Variants in VCAN observed in about 807,000 individuals in gnomAD.
VCAN encodes the protein versican core protein.
A neutral mutation model predicts 245.5 loss-of-function variants in VCAN; 44 were observed. The ratio of observed to expected loss-of-function variants is 0.18; its 90% confidence interval spans 0.14 to 0.23. VCAN has a LOEUF of 0.23. VCAN is among the 10% of genes least tolerant of loss of function. The probability of loss-of-function intolerance (pLI) is 1.00; values close to 1 mark genes in which losing one functional copy is unlikely to be tolerated. For synonymous variants in VCAN, 1,413 were observed against 1,437.0 expected, an observed-to-expected ratio of 0.98 and a Z score of 0.38; for missense variants, 3,793 against 4,057.9, an observed-to-expected ratio of 0.93 and a Z score of 1.77.
intron 2 of VCAN, 77 bp downstream of exon 2, chr5:83,483,665 A>G (rs1289547576): frequency 4.6e-6 from 6 of 1,297,268 alleles, no homozygotes; most frequent in Non-Finnish European, 6.7e-6. Flanking sequence ...GCAATGTGGA[A>G]TCACTGGAAT....
chr5:83,529,025 C>CACACACAT (rs781395307), intron 7 of VCAN, among the ~76,000 whole-genome samples: 2 of 150,102 alleles, frequency 1.3e-5, no homozygotes, highest in East Asian at 3.9e-4. Flanking sequence ...CACACACACA[C>CACACACAT]ATATATGTAT....
intron 10 of VCAN, among the ~76,000 whole-genome samples, chr5:83,551,950 T>A (rs1747486584): frequency 6.6e-6 from 1 of 152,230 alleles, no homozygotes; most frequent in African/African-American, 2.4e-5. Context: ...AGTCCTTTCC[T>A]ATGAGACTTG....
In VCAN at chr5:83,542,160, A is replaced by T. The variant is rs1747032121; in HGVS notation, c.9157A>T (p.Thr3053Ser). Residue 3053 changes from threonine (T) to serine (S), a missense_variant, in exon 8 of 15, where the codon ACT (threonine) becomes TCT (serine). Physicochemically the swap from Thr to Ser is moderately conservative, Grantham distance 58. Around this residue, in one of 5 missense-constraint regions of VCAN, gnomAD observed 3,182 missense variants for 3,250.3 expected, o/e 0.98. Coordinates refer to ENST00000265077, the MANE Select transcript of VCAN (RefSeq NM_004385.5). ...QATVNPVEFN[T>S]EVATPPFSLL... ...AACAGTAAACCCTGTGGAATTTAAT[A>T]CTGAGGTTGCAACACCACCATTTTC... 1 of 1,614,106 alleles carries T rather than the reference A, an allele frequency of 6.2e-7. No individual in the cohort carries two copies. Among genetic ancestry groups the T allele is most frequent in the Admixed American group, 1.7e-5 (1 of 60,010 alleles).
In VCAN at chr5:83,540,041, G is replaced by A; in HGVS notation, c.7038G>A (p.Val2346=). Residue 2346 remains valine, a synonymous_variant, in exon 8 of 15, where the codon GTG becomes GTA. Transcript: ENST00000265077. ...ACACTGGAGCAGAAGGACCCACGGT[G>A]GCACCTCTCCCTTTCTCCACGGACA... ...LSDTGAEGPT[V]APLPFSTDIG... is the part of the protein sequence containing the mutation. 1 of 1,614,042 alleles carries A rather than the reference G, an allele frequency of 6.2e-7. No homozygotes were observed. The highest frequency in any genetic ancestry group is 2.2e-5 in the East Asian group (1 of 44,872).
intron 2 of VCAN, among the ~76,000 whole-genome samples, 196 bp from the exon 3 acceptor site, chr5:83,489,902 G>A (rs543965755): frequency 6.6e-6 from 1 of 151,770 alleles, no homozygotes; most frequent in East Asian, 1.9e-4. Flanking sequence ...ATAAAGAAAT[G>A]AGCATTATTA....
chr5:83,570,355 A>G (rs1748242605), intron 12 of VCAN, among the ~76,000 whole-genome samples: 1 of 152,106 alleles, frequency 6.6e-6, no homozygotes, highest in Non-Finnish European at 1.5e-5. Context: ...CATAGCAGTG[A>G]TCTCTTGTCT....
At chr5:83,514,428 ATGTGTGTG>A (rs57400723) in intron 6 of VCAN, among the ~76,000 whole-genome samples, 1 of 145,118 alleles carries the variant, frequency 6.9e-6, no homozygotes, top group African/African-American at 2.6e-5. Context: ...TTTAGTGTAT[ATGTGTGTG>A]TGTGTGTGTG....
At chr5:83,550,393 T>C (rs1378320815) in intron 10 of VCAN, among the ~76,000 whole-genome samples, 1 of 152,190 alleles carries the variant, frequency 6.6e-6, no homozygotes, top group Admixed American at 6.5e-5. Context: ...TGTCTTTCCA[T>C]GCATTGAATG....
chr5:83,512,937 GA>G (rs1745713247), intron 6 of VCAN: 1 of 153,590 alleles, frequency 6.5e-6, no homozygotes, highest in African/African-American at 2.4e-5. Flanking sequence ...TCAAGTAATG[GA>G]AATACATGCC....
In VCAN at chr5:83,557,682, G is replaced by A. The variant is rs114696627; in HGVS notation, c.9735+2644G>A. Among the ~76,000 whole-genome samples, 606 of 152,212 alleles carry A rather than the reference G, an allele frequency of 4.0e-3. 4 individuals are homozygous for A. The highest frequency in any genetic ancestry group is 0.01 in the Middle Eastern group (3 of 292). On this transcript the variant is annotated intron_variant, in intron 12 of 14. Transcript: ENST00000265077. The stretch of plus-strand genomic sequence containing the variant: ...GAAAGGTCCTAAACGTGGTAAATTA[G>A]TGAGCATCGCACCTTGTCAAAAAAG...
chr5:83,497,531 C>T (rs142724567), intron 5 of VCAN, among the ~76,000 whole-genome samples: 112 of 152,076 alleles, frequency 7.4e-4, no homozygotes, highest in Middle Eastern at 3.4e-3. Context: ...AATATCAGCT[C>T]GTGTTCTTAG....
In VCAN at chr5:83,520,569, A is replaced by C. The variant is rs1272287063; in HGVS notation, c.2263A>C (p.Lys755Gln). ...TTTTGATTTCCCAACATTGATAACA[A>C]AGTTAAGTGCAGAGCCAACAGAAGT... ...KSFDFPTLIT[K>Q]LSAEPTEVRD... Residue 755 changes from lysine to glutamine, a missense_variant, in exon 7 of 15, where the codon AAG becomes CAG. Around this residue, in one of 5 missense-constraint regions of VCAN, gnomAD observed 3,182 missense variants for 3,250.3 expected, o/e 0.98. Transcript: ENST00000265077. 6.2e-7 allele frequency: 1 copy of C among 1,614,036 alleles called. No individual in the cohort carries two copies. The highest frequency in any genetic ancestry group is 8.5e-7 in the Non-Finnish European group (1 of 1,179,980).
intron 1 of VCAN, among the ~76,000 whole-genome samples, chr5:83,475,003 T>G (rs1269990833): frequency 6.6e-6 from 1 of 152,224 alleles, no homozygotes; most frequent in Non-Finnish European, 1.5e-5. Context: ...ATTTGTTGAC[T>G]TTTTAAATAC....
At position 83,538,589 on chromosome 5, in the gene VCAN, C is replaced by T. The variant is rs1280546067; in HGVS notation, c.5586C>T (p.Ala1862=). 2.7e-5 allele frequency: 44 copies of T among 1,613,780 alleles called. No homozygotes were observed. Among genetic ancestry groups the T allele is most frequent in the East Asian group, 1.1e-4 (5 of 44,864 alleles). ...FSLNVEYAIQ[A]EKEVAGTLSP... Reference sequence around the variant, plus strand: ...TAAACGTAGAGTATGCAATTCAAGCCGAAAAGGAAGTAGCTGGCACTTTGT... The same window carrying T: ...TAAACGTAGAGTATGCAATTCAAGCTGAAAAGGAAGTAGCTGGCACTTTGT... Residue 1862 remains alanine (A), a synonymous_variant, in exon 8 of 15, where the codon GCC becomes GCT. Transcript: ENST00000265077.
At chr5:83,546,746 G>A (rs1011226893) in intron 9 of VCAN, among the ~76,000 whole-genome samples, 5 of 152,102 alleles carry the variant, frequency 3.3e-5, no homozygotes, top group African/African-American at 7.2e-5. Flanking sequence ...CACTCAGCAA[G>A]CACCATAAAC....
chr5:83,539,774 A>T lies in VCAN; in HGVS notation c.6771A>T (p.Gly2257=), dbSNP rs766368686. 17 of 1,614,026 alleles carry T rather than the reference A, an allele frequency of 1.1e-5. No individual in the cohort carries two copies. In the Admixed American group the frequency reaches 2.8e-4, roughly 27 times the overall value. Residue 2257 remains glycine (G), a synonymous_variant, in exon 8 of 15, where the codon GGA becomes GGT. Coordinates refer to ENST00000265077, the MANE Select transcript of VCAN (RefSeq NM_004385.5). ...SDTELLFSGL[G]SGEEVLPTLP... Reference sequence around the variant, plus strand: ...CTGAGCTCTTATTCTCTGGACTGGGATCAGGAGAAGAAGTTTTACCTACTC... The same window carrying T: ...CTGAGCTCTTATTCTCTGGACTGGGTTCAGGAGAAGAAGTTTTACCTACTC...
chr5:83,540,039 G>A lies in VCAN; in HGVS notation c.7036G>A (p.Val2346Met). The A allele has an allele frequency of 6.2e-7, 1 of 1,614,066 alleles. No homozygotes were observed. The highest frequency in any genetic ancestry group is 8.5e-7 in the Non-Finnish European group (1 of 1,180,006). The stretch of plus-strand genomic sequence containing the variant: ...TGACACTGGAGCAGAAGGACCCACG[G>A]TGGCACCTCTCCCTTTCTCCACGGA... ...LSDTGAEGPT[V>M]APLPFSTDIG... Residue 2346 changes from valine (V) to methionine (M), a missense_variant, in exon 8 of 15, where the codon GTG becomes ATG. Physicochemically the swap from Val to Met is conservative, Grantham distance 21 (BLOSUM62 1). Around this residue, in one of 5 missense-constraint regions of VCAN, gnomAD observed 3,182 missense variants for 3,250.3 expected, o/e 0.98. Transcript: ENST00000265077.
chr5:83,575,760 G>A (rs908355509), intron 13 of VCAN, among the ~76,000 whole-genome samples: 4 of 152,064 alleles, frequency 2.6e-5, no homozygotes, highest in African/African-American at 7.2e-5. Context: ...GTCCCACGTT[G>A]AGAACCACTG....
At position 83,540,863 on chromosome 5, in the gene VCAN, A is replaced by G. The variant is rs1329667759; in HGVS notation, c.7860A>G (p.Gln2620=). ...GTAATGATGACAGCACTCAAGTTCA[A>G]GAGATCTATGAGGCAGCTGTCAACC... ...DESNDDSTQV[Q]EIYEAAVNLS... is the part of the protein sequence containing the mutation. Residue 2620 remains glutamine (Q), a synonymous_variant, in exon 8 of 15, where the codon CAA becomes CAG. Transcript: ENST00000265077. 6.2e-7 allele frequency: 1 copy of G among 1,614,030 alleles called. No individual in the cohort carries two copies. Among genetic ancestry groups the G allele is most frequent in the South Asian group, 1.1e-5 (1 of 91,076 alleles).
Sources: allele counts gnomAD v4.1 joint callset (sites outside exome capture counted in the v4.1 genomes callset), GRCh38; gene constraint gnomAD v4.1.1; regional missense constraint gnomAD v4.1.1; transcripts MANE v1.5; gene names NCBI Gene and HGNC (gene_info 2026-07-23, HGNC 2026-07-21).